The following SPRY3 variants were observed in gnomAD, a reference collection of about 807,000 sequenced individuals.
The protein encoded by SPRY3 is protein sprouty homolog 3.
Under a neutral mutation model 20.2 loss-of-function variants are expected in SPRY3, and 15 were observed. The observed-to-expected ratio is 0.74, with a 90% confidence interval of 0.50 to 1.14. The LOEUF (loss-of-function observed/expected upper bound fraction) is 1.14. SPRY3 is among the 50% of genes most tolerant of loss of function. The pLI, the probability that SPRY3 is intolerant of heterozygous loss-of-function variation, is 0.00. For missense variants in SPRY3, 364 were observed against 363.9 expected (o/e 1.00, Z 0.00); for synonymous variants, 143 against 136.5 (o/e 1.05, Z -0.33).
intron 1 of SPRY3, among the ~76,000 whole-genome samples, chrX:155,633,376 T>C (rs1452923833): frequency 1.9e-4 from 4 of 21,101 alleles, no homozygotes; most frequent in Non-Finnish European, 3.7e-4. Context: ...CCGTCTCTAC[T>C]AAAAAAAAAA....
At chrX:155,771,920 G>C (rs907980416) in intron 3 of SPRY3, among the ~76,000 whole-genome samples, 3 of 152,156 alleles carry the variant, frequency 2.0e-5, no homozygotes, top group African/African-American at 7.2e-5. Flanking sequence ...AAATTGTGTA[G>C]TTATAGAAAG....
At chrX:155,678,509 T>C (rs1297338272) in intron 2 of SPRY3, among the ~76,000 whole-genome samples, 1 of 111,553 alleles carries the variant, frequency 9.0e-6, no homozygotes, top group Non-Finnish European at 1.9e-5. Flanking sequence ...TAGCAAATAC[T>C]TAGCGAGTTA....
intron 2 of SPRY3, among the ~76,000 whole-genome samples, chrX:155,670,659 AC>A (rs1259387855): frequency 8.9e-6 from 1 of 112,133 alleles, no homozygotes; most frequent in African/African-American, 3.2e-5. Flanking sequence ...TTTTATAATA[AC>A]TTTTGTCTGA....
rs774017263 is a variant in SPRY3 at position 155,699,115 on chromosome X, G to A, written c.-282+42090G>A. ...GACAAACAGATTGGAAAGTAAGAAA[G>A]GTGACTCTCTCTATTCACAGACAAC... On this transcript the variant is annotated intron_variant, in intron 2 of 3. Coordinates refer to ENST00000675360, the Ensembl canonical transcript of SPRY3. 1.3e-4 allele frequency among the ~76,000 whole-genome samples: 14 copies of A among 111,894 alleles called. No individual in the cohort carries two copies. In the East Asian group the frequency reaches 4.0e-3, roughly 32 times the overall value.
intron 2 of SPRY3, among the ~76,000 whole-genome samples, chrX:155,672,973 C>A (rs782769665): frequency 1.0e-5 from 1 of 99,810 alleles, no homozygotes; most frequent in Admixed American, 1.1e-4. Context: ...GGACAAAAAA[C>A]CAAACACCGC....
intron 1 of SPRY3, among the ~76,000 whole-genome samples, chrX:155,637,745 G>A (rs1292392373): frequency 2.7e-5 from 3 of 111,479 alleles, no homozygotes; most frequent in African/African-American, 9.8e-5. Flanking sequence ...GCTTCCTGCT[G>A]TTACCATATC....
chrX:155,700,014 C>A (rs1603140851), intron 2 of SPRY3, among the ~76,000 whole-genome samples: 1 of 100,703 alleles, frequency 9.9e-6, no homozygotes, highest in African/African-American at 3.6e-5. Flanking sequence ...AGGTTTAATA[C>A]CCAAAGTATA....
At chrX:155,650,165 G>T (rs951521388) in intron 1 of SPRY3, among the ~76,000 whole-genome samples, 3 of 111,456 alleles carry the variant, frequency 2.7e-5, no homozygotes, top group African/African-American at 9.8e-5. Flanking sequence ...AATCAATATC[G>T]TGAAAATGGC....
intron 2 of SPRY3, among the ~76,000 whole-genome samples, chrX:155,746,031 A>C (rs967848649): frequency 4.6e-5 from 7 of 152,026 alleles, no homozygotes; most frequent in Non-Finnish European, 7.4e-5. Flanking sequence ...TTCCAGCATA[A>C]ATTTCTAAAT....
chrX:155,622,624 A>C (rs1165280466), intron 1 of SPRY3, among the ~76,000 whole-genome samples: 5 of 112,568 alleles, frequency 4.4e-5, no homozygotes, highest in Admixed American at 9.4e-5. Context: ...AATTTCTACA[A>C]ATCAAGAATT....
At chrX:155,714,914 T>A (rs2091011500) in intron 2 of SPRY3, among the ~76,000 whole-genome samples, 1 of 151,546 alleles carries the variant, frequency 6.6e-6, no homozygotes, top group South Asian at 2.1e-4. Flanking sequence ...GCGTAAAGCC[T>A]AAGGACTTCC....
intron 2 of SPRY3, among the ~76,000 whole-genome samples, chrX:155,692,358 TGAACA>T (rs1251007898): frequency 5.4e-5 from 6 of 111,547 alleles, no homozygotes; most frequent in African/African-American, 2.0e-4. Flanking sequence ...GAAAATGAAC[TGAACA>T]TGTCTGAGTC....
chrX:155,652,065 A>G (rs2067978979), intron 1 of SPRY3, among the ~76,000 whole-genome samples: 1 of 110,863 alleles, frequency 9.0e-6, no homozygotes, highest in South Asian at 3.9e-4. Context: ...TAGAGGTGCT[A>G]CACACTTTTA....
intron 2 of SPRY3, among the ~76,000 whole-genome samples, chrX:155,714,663 G>A (rs954777528): frequency 4.6e-5 from 7 of 150,896 alleles, no homozygotes; most frequent in Non-Finnish European, 7.4e-5. Flanking sequence ...TCCCTTCAGT[G>A]TGGCAAGTTT....
intron 2 of SPRY3, among the ~76,000 whole-genome samples, chrX:155,661,879 G>A (rs781869522): frequency 9.0e-6 from 1 of 111,552 alleles, no homozygotes; most frequent in East Asian, 2.8e-4. Context: ...TTCATTTCCA[G>A]TAGTTCTGTA....
At chrX:155,625,677 A>G (rs2067885815) in intron 1 of SPRY3, among the ~76,000 whole-genome samples, 1 of 111,158 alleles carries the variant, frequency 9.0e-6, no homozygotes, top group African/African-American at 3.3e-5. Flanking sequence ...CCACCATCAC[A>G]ATCAAGTTTA....
intron 2 of SPRY3, among the ~76,000 whole-genome samples, chrX:155,658,829 T>C (rs1304463722): frequency 8.9e-6 from 1 of 112,097 alleles, no homozygotes; most frequent in Non-Finnish European, 1.9e-5. Flanking sequence ...GTTTATTATA[T>C]ATGGCTTTAA....
At chrX:155,768,369 G>C (rs1916626696) in intron 3 of SPRY3, among the ~76,000 whole-genome samples, 1 of 152,048 alleles carries the variant, frequency 6.6e-6, no homozygotes, top group Non-Finnish European at 1.5e-5. Context: ...ATCCAAATAG[G>C]ACTTCAAAAT....
At chrX:155,770,540 T>TA (rs2091374286) in intron 3 of SPRY3, among the ~76,000 whole-genome samples, 1 of 152,144 alleles carries the variant, frequency 6.6e-6, no homozygotes, top group African/African-American at 2.4e-5. Context: ...GCAGAGGCAC[T>TA]ACGTGACAAA....
Sources: allele counts gnomAD v4.1 joint callset (sites outside exome capture counted in the v4.1 genomes callset), GRCh38; gene constraint gnomAD v4.1.1; transcripts MANE v1.5; gene names NCBI Gene and HGNC (gene_info 2026-07-23, HGNC 2026-07-21).